The following SLFN12L variants were observed in gnomAD, a reference collection of about 807,000 sequenced individuals.
SLFN12L encodes schlafen family member 12 like.
Under a neutral mutation model 34.8 loss-of-function variants are expected in SLFN12L, and 34 were observed. The observed-to-expected ratio is 0.98, with a 90% CI of 0.74 to 1.30. The LOEUF is 1.30. Among genes scored for constraint, SLFN12L ranks in the 50% most tolerant of loss-of-function variants. The probability of loss-of-function intolerance (pLI) is 0.00; values close to 1 mark genes in which losing one functional copy is unlikely to be tolerated. For missense variants in SLFN12L, 703 were observed against 696.2 expected, an observed-to-expected ratio of 1.01 and a Z score of -0.11; for synonymous variants, 259 against 247.5, an observed-to-expected ratio of 1.05 and a Z score of -0.44.
In SLFN12L at chr17:35,479,980, A is replaced by G. The variant is rs558500525; in HGVS notation, c.302T>C (p.Ile101Thr). 1.1e-4 allele frequency: 183 copies of G among 1,614,152 alleles called. 1 individual carries two copies. The East Asian group carries it at 4.0e-3, about 36-fold the overall frequency. ...CALLNSGGGV[I>T]KAEVENKGYS... is the part of the protein sequence containing the mutation. ...GCCTTTATTCTCAACTTCAGCCTTG[A>G]TCACTCCCCCTCCAGAATTCAGCAG... The change falls in exon 3 of 5, where the codon ATC becomes ACC. Residue 101 changes from isoleucine (I) to threonine (T), a missense_variant. Physicochemically the swap from Ile to Thr is moderately conservative, Grantham distance 89. Coordinates refer to ENST00000628453, the MANE Select transcript of SLFN12L (RefSeq NM_001363830.2).
rs763798509 is a variant in SLFN12L at position 35,479,766 on chromosome 17, A to G, written c.516T>C (p.Asp172=). The G allele has an allele frequency of 1.9e-5, 30 of 1,613,884 alleles. No homozygotes were observed. The highest frequency in any genetic ancestry group is 2.5e-5 in the Non-Finnish European group (29 of 1,179,934). The change falls in exon 3 of 5, where the codon GAT becomes GAC. Residue 172 remains aspartate (D), a synonymous_variant. Transcript: ENST00000628453. ...CATTCATGACTTTTGCAGACGTTAC[A>G]TCTCTCTTGTACAAACTGGAGCTCA... is the stretch of plus-strand genomic sequence containing the variant. ...ATLSSSLYKR[D]VTSAKVMNAS...
chr17:35,479,598 G>A lies in SLFN12L; in HGVS notation c.684C>T (p.Asn228=). 4 of 1,612,608 alleles carry A rather than the reference G, an allele frequency of 2.5e-6. No homozygotes were observed. Among genetic ancestry groups the A allele is most frequent in the Non-Finnish European group, 3.4e-6 (4 of 1,179,430 alleles). The change falls in exon 3 of 5, where the codon AAC becomes AAT. Residue 228 remains asparagine, a synonymous_variant. Coordinates refer to ENST00000628453, the MANE Select transcript of SLFN12L (RefSeq NM_001363830.2). Reference sequence around the variant, plus strand: ...TTTCTTTATAACCAAGTTCTGTTCTGTTAAAAAAATCAGCAGCCAAGGCTT... The same window carrying A: ...TTTCTTTATAACCAAGTTCTGTTCTATTAAAAAAATCAGCAGCCAAGGCTT... The part of the protein sequence containing the change: ...NMEALAADFF[N]RTELGYKEKL...
At chr17:35,489,696 A>C (rs1217789746) in intron 2 of SLFN12L, among the ~76,000 whole-genome samples, 1 of 152,212 alleles carries the variant, frequency 6.6e-6, no homozygotes. Context: ...GCATTAATGA[A>C]AAAAGGAACA....
chr17:35,533,627 T>G (rs571980261), intron 1 of SLFN12L, among the ~76,000 whole-genome samples: 1 of 152,118 alleles, frequency 6.6e-6, no homozygotes, highest in Non-Finnish European at 1.5e-5. Context: ...GGGGGAAGAA[T>G]TTTCTAGACA....
chr17:35,521,779 TGAGA>T (rs1394321688), intron 2 of SLFN12L, among the ~76,000 whole-genome samples: 1 of 152,008 alleles, frequency 6.6e-6, no homozygotes, highest in Non-Finnish European at 1.5e-5. Context: ...GAAGCTGAGG[TGAGA>T]GGATTGCTTG....
chr17:35,479,558 CA>C lies in SLFN12L; in HGVS notation c.723del (p.Glu242AsnfsTer7). 1 of 1,613,932 alleles carries C rather than the reference CA, an allele frequency of 6.2e-7. No homozygotes were observed. The highest frequency in any genetic ancestry group is 8.5e-7 in the Non-Finnish European group (1 of 1,179,986). ...ELGYKEKLTF[T>X]ESTHVEIKNF... ...TTTTTTATTTCAACGTGTGTGGATT[CA>C]GTAAAGGTCAATTTTTCTTTATAAC... On this transcript the variant is annotated frameshift_variant, in exon 3 of 5. Coordinates refer to ENST00000628453, the MANE Select transcript of SLFN12L (RefSeq NM_001363830.2). LOFTEE classifies it high-confidence loss of function.
chr17:35,486,661 T>C (rs901094976), intron 2 of SLFN12L, among the ~76,000 whole-genome samples: 3 of 152,224 alleles, frequency 2.0e-5, no homozygotes, highest in Admixed American at 6.5e-5. Flanking sequence ...TAAAACTCAC[T>C]GGCCTCCCTT....
In SLFN12L at chr17:35,479,795, T is replaced by C. The variant is rs1323246074; in HGVS notation, c.487A>G (p.Thr163Ala). Residue 163 changes from threonine to alanine, a missense_variant, in exon 3 of 5, where the codon ACG becomes GCG. Coordinates refer to ENST00000628453, the MANE Select transcript of SLFN12L (RefSeq NM_001363830.2). ...SLETSGPQIA[T>A]LSSSLYKRDV... ...CTCTTGTACAAACTGGAGCTCAACG[T>C]GGCAATCTGCGGACCAGAGGTTTCC... is the stretch of plus-strand genomic sequence containing the variant. 18 of 1,612,474 alleles carry C rather than the reference T, an allele frequency of 1.1e-5. No individual in the cohort carries two copies. Among genetic ancestry groups the C allele is most frequent in the Non-Finnish European group, 1.5e-5 (18 of 1,179,146 alleles).
At position 35,475,275 on chromosome 17, in the gene SLFN12L, G is replaced by A; in HGVS notation, c.1487C>T (p.Pro496Leu). Reference sequence around the variant, plus strand: ...TACCATGTGGAAGGTGTATAGGACTGGAGGCTTGTCCTGGGAAATCAGAAG... The same window carrying A: ...TACCATGTGGAAGGTGTATAGGACTAGAGGCTTGTCCTGGGAAATCAGAAG... ...DALLISQDKPPVLYTFHMVQD... is the reference protein window; with the variant it reads ...DALLISQDKPLVLYTFHMVQD... The change falls in exon 5 of 5, where the codon CCA becomes CTA. Residue 496 changes from proline to leucine, a missense_variant. Transcript: ENST00000628453. 6.2e-7 allele frequency: 1 copy of A among 1,614,172 alleles called. No individual in the cohort carries two copies. The highest frequency in any genetic ancestry group is 8.5e-7 in the Non-Finnish European group (1 of 1,180,044).
intron 1 of SLFN12L, among the ~76,000 whole-genome samples, chr17:35,534,342 C>G (rs1341286965): frequency 1.3e-5 from 2 of 152,148 alleles, no homozygotes; most frequent in Non-Finnish European, 2.9e-5. Flanking sequence ...AGCCTGGCAA[C>G]AGAGCAAGAC....
chr17:35,507,636 G>A (rs1915507155), intron 2 of SLFN12L, among the ~76,000 whole-genome samples: 1 of 152,154 alleles, frequency 6.6e-6, no homozygotes, highest in Non-Finnish European at 1.5e-5. Flanking sequence ...TGATCCTGGG[G>A]CCATGTTTGA....
At chr17:35,513,588 G>A (rs533813828) in intron 2 of SLFN12L, among the ~76,000 whole-genome samples, 6 of 152,274 alleles carry the variant, frequency 3.9e-5, no homozygotes, top group East Asian at 1.9e-4. Context: ...CCTTACTGTC[G>A]TTCTGAAACT....
At chr17:35,530,399 A>G (rs867729304) in intron 1 of SLFN12L, among the ~76,000 whole-genome samples, 400 of 9,556 alleles carry the variant, frequency 0.042, 14 homozygotes, top group East Asian at 0.37. Flanking sequence ...GGAAGGAAGG[A>G]AGGAAGGAAG....
chr17:35,476,466 GAA>G (rs1914014843), intron 4 of SLFN12L, among the ~76,000 whole-genome samples: 1 of 68,858 alleles, frequency 1.5e-5, no homozygotes, highest in Non-Finnish European at 2.8e-5. Context: ...AGGAAGGAAG[GAA>G]GGAAGGAAGG....
At chr17:35,505,601 G>A (rs1032806469) in intron 2 of SLFN12L, among the ~76,000 whole-genome samples, 1 of 152,194 alleles carries the variant, frequency 6.6e-6, no homozygotes, top group African/African-American at 2.4e-5. Flanking sequence ...CTGCCACCTT[G>A]CTCCCAGTAT....
intron 4 of SLFN12L, among the ~76,000 whole-genome samples, chr17:35,476,237 C>G (rs1343181598): frequency 2.6e-5 from 4 of 152,014 alleles, no homozygotes; most frequent in African/African-American, 7.3e-5. Context: ...AGAGAAGAAG[C>G]CAAAATCTAC....
intron 2 of SLFN12L, among the ~76,000 whole-genome samples, chr17:35,500,957 C>A (rs770549709): frequency 6.6e-6 from 1 of 152,206 alleles, no homozygotes; most frequent in Non-Finnish European, 1.5e-5. Context: ...GAATTGCTTA[C>A]TCGGGGAGCT....
At chr17:35,515,291 G>T (rs926416699) in intron 2 of SLFN12L, 1 of 380,446 alleles carries the variant, frequency 2.6e-6, no homozygotes, top group African/African-American at 2.1e-5. Context: ...ACGCCGGCGG[G>T]ACAGGCACTT....
Position 35,470,218 on chromosome 17 carries a change from G to C in SLFN12L, c.*4705C>G, listed in dbSNP as rs966853619. ...CCATGTAGATCTGGCCCATCTTGAGGCTATTGTTCCTGCGTTCATCCTCCC... is the reference window on the plus strand; with the variant it reads ...CCATGTAGATCTGGCCCATCTTGAGCCTATTGTTCCTGCGTTCATCCTCCC... On this transcript the variant is annotated 3_prime_UTR_variant, in exon 5 of 5. Transcript: ENST00000628453. The C allele has an allele frequency of 6.6e-6, 1 of 151,434 alleles. No individual in the cohort carries two copies. Among genetic ancestry groups the C allele is most frequent in the African/African-American group, 2.4e-5 (1 of 40,956 alleles). 9.4% of individuals were successfully genotyped at this position (151,434 alleles called of 1,614,324 possible). A position where few individuals can be genotyped will look rare whatever the true frequency, so the allele number is the denominator to read the frequency against.
Sources: allele counts gnomAD v4.1 joint callset (sites outside exome capture counted in the v4.1 genomes callset), GRCh38; gene constraint gnomAD v4.1.1; transcripts MANE v1.5; gene names NCBI Gene and HGNC (gene_info 2026-07-23, HGNC 2026-07-21).